PAPLN: variants seen among roughly 807,000 people sequenced by gnomAD.
The protein encoded by PAPLN is papilin, proteoglycan like sulfated glycoprotein, also known as papilin.
A neutral mutation model predicts 159.0 loss-of-function variants in PAPLN; 146 were observed. That is an observed-to-expected ratio of 0.92 (90% CI 0.80 to 1.05). PAPLN has a LOEUF of 1.05. PAPLN is among the 50% of genes least tolerant of loss of function. The probability of loss-of-function intolerance (pLI) is 0.00; values close to 1 mark genes in which losing one functional copy is unlikely to be tolerated. For synonymous variants in PAPLN, 734 were observed against 702.9 expected, an observed-to-expected ratio of 1.04 and a Z score of -0.70; for missense variants, 1,720 against 1,743.9, an observed-to-expected ratio of 0.99 and a Z score of 0.24.
At chr14:73,246,003 G>A (rs1003647) in intron 4 of PAPLN, 70 bp from the exon 5 acceptor site, 4 of 1,406,432 alleles carry the variant, frequency 2.8e-6, no homozygotes, top group Admixed American at 5.2e-5. Flanking sequence ...CCCTGGGCTC[G>A]GGCGGGGCGG....
rs749159837 is a variant in PAPLN, at chr14:73,250,976, G to A, written c.535G>A (p.Gly179Ser). The part of the protein sequence containing the change: ...EDKCLRCGGD[G>S]TTCYPVAGTF... ...CAAGTGTCTGCGGTGTGGGGGTGAC[G>A]GCACGACCTGCTACCCCGTCGCAGG... The change falls in exon 7 of 27, where the codon GGC becomes AGC. Residue 179 changes from glycine (G) to serine (S), a missense_variant. Transcript: ENST00000644200. The A allele has an allele frequency of 6.8e-6, 11 of 1,613,550 alleles. No individual in the cohort carries two copies. Among genetic ancestry groups the A allele is most frequent in the South Asian group, 5.5e-5 (5 of 91,072 alleles).
chr14:73,248,169 C>CTGTG lies in PAPLN; in HGVS notation c.335-1799_335-1796dup, dbSNP rs776221964. Among the ~76,000 whole-genome samples the CTGTG allele has an allele frequency of 6.2e-3, 633 of 101,638 alleles. 20 individuals are homozygous for CTGTG. The highest frequency in any genetic ancestry group is 0.028 in the East Asian group (100 of 3,606). The allele number at this position is 101,638 out of a possible 152,430, so 66.7% of individuals were successfully genotyped here. On this transcript the variant is annotated intron_variant, in intron 5 of 26. Transcript: ENST00000644200. ...TGGCCCAGTGGGAGTCTCATATCCTCTGTGTGTGTGTGTGTGTGTCTGTGT... is the reference window on the plus strand; with the variant it reads ...TGGCCCAGTGGGAGTCTCATATCCTCTGTGTGTGTGTGTGTGTGTGTGTCTGTGT...
intron 12 of PAPLN, 147 bp downstream of exon 12, chr14:73,254,108 AC>A: frequency 1.1e-6 from 1 of 930,204 alleles, no homozygotes; most frequent in Non-Finnish European, 1.6e-6. Context: ...CAAGGCTGGG[AC>A]CAGAAGCAAG....
chr14:73,271,626 C>T (rs1398912280), intron 26 of PAPLN, among the ~76,000 whole-genome samples: 1 of 151,960 alleles, frequency 6.6e-6, no homozygotes, highest in African/African-American at 2.4e-5. Flanking sequence ...CTCAGCTTCC[C>T]GAGTAGCTGG....
intron 6 of PAPLN, among the ~76,000 whole-genome samples, chr14:73,250,700 CATT>C (rs1298719932): frequency 6.6e-6 from 1 of 152,168 alleles, no homozygotes; most frequent in African/African-American, 2.4e-5. Flanking sequence ...GAAAACAGGG[CATT>C]ATTACCAGAA....
At chr14:73,257,308 T>C (rs1354413123) in intron 14 of PAPLN, among the ~76,000 whole-genome samples, 1 of 152,098 alleles carries the variant, frequency 6.6e-6, no homozygotes, top group Non-Finnish European at 1.5e-5. Context: ...TTCCATTATA[T>C]AGTAATATGC....
intron 12 of PAPLN, 105 bp from the exon 13 acceptor site, chr14:73,254,408 G>A (rs771137737): frequency 2.1e-5 from 29 of 1,391,818 alleles, no homozygotes; most frequent in Non-Finnish European, 2.9e-5. Context: ...ATGGGCAGTT[G>A]GGTGCTATCT....
Position 73,246,140 on chromosome 14 carries a change from A to C in PAPLN, c.299A>C (p.Gln100Pro). Residue 100 changes from glutamine to proline, a missense_variant, in exon 5 of 27, where the codon CAG becomes CCG. Physicochemically the swap from Gln to Pro is moderately conservative, Grantham distance 76. Transcript: ENST00000644200. ...GCGGAGTTCGACGGAGCGGAGTTCC[A>C]GGGGCGGCGGTATCGGTGGCTGCCC... ...QCAEFDGAEF[Q>P]GRRYRWLPYY... is the part of the protein sequence containing the mutation. The C allele has an allele frequency of 1.3e-6, 2 of 1,588,568 alleles. No individual in the cohort carries two copies. Among genetic ancestry groups the C allele is most frequent in the Non-Finnish European group, 1.7e-6 (2 of 1,170,544 alleles).
At position 73,263,795 on chromosome 14, in the gene PAPLN, C is replaced by T. The variant is rs376261530; in HGVS notation, c.2861+13C>T. 5.0e-6 allele frequency: 8 copies of T among 1,594,280 alleles called. No homozygotes were observed. Among genetic ancestry groups the T allele is most frequent in the South Asian group, 2.2e-5 (2 of 90,256 alleles). On this transcript the variant is annotated intron_variant, in intron 20 of 26. Transcript: ENST00000644200. ...TCTCCTCTGACAGGTGGGTGAGAGT[C>T]CCCCCACCTCCTCTGACAGGTGTGA...
In PAPLN at chr14:73,255,963, G is replaced by A. The variant is rs190712019; in HGVS notation, c.1627+945G>A. ...AAAGAGCGACTTTCCAGACCGTGGT[G>A]GTCATGCAGCACAACGCCTGACCGC... On this transcript the variant is annotated intron_variant, in intron 14 of 26. Transcript: ENST00000644200. Among the ~76,000 whole-genome samples the A allele has an allele frequency of 7.2e-5, 11 of 152,332 alleles. No individual in the cohort carries two copies. In the East Asian group the frequency reaches 2.1e-3, roughly 29 times the overall value.
At chr14:73,241,704 C>A (rs1264274287) in intron 2 of PAPLN, among the ~76,000 whole-genome samples, 1 of 152,246 alleles carries the variant, frequency 6.6e-6, no homozygotes, top group South Asian at 2.1e-4. Flanking sequence ...GTTGCTGGGG[C>A]AGGAACCACC....
chr14:73,263,116 G>C, intron 19 of PAPLN: 1 of 386,034 alleles, frequency 2.6e-6, no homozygotes. Flanking sequence ...GGCTGGAAAA[G>C]TTTATTGGCT....
rs756096436 is a variant in PAPLN at position 73,246,114 on chromosome 14, C to G, written c.273C>G (p.Cys91Trp). 5.7e-6 allele frequency: 9 copies of G among 1,589,612 alleles called. No individual in the cohort carries two copies. Among genetic ancestry groups the G allele is most frequent in the Admixed American group, 3.5e-5 (2 of 57,460 alleles). The change falls in exon 5 of 27, where the codon TGC becomes TGG. Residue 91 changes from cysteine to tryptophan, a missense_variant. Coordinates refer to ENST00000644200, the MANE Select transcript of PAPLN (RefSeq NM_001365906.3). ...DGARDFRAEQ[C>W]AEFDGAEFQG... ...CCCGGGACTTCCGGGCCGAGCAGTG[C>G]GCGGAGTTCGACGGAGCGGAGTTCC...
At chr14:73,236,951 TAGAA>T (rs375428578), upstream of PAPLN, among the ~76,000 whole-genome samples, 3,290 of 126,790 alleles carry the variant, frequency 0.026, 138 homozygotes, top group African/African-American at 0.092. Flanking sequence ...GGGAGGAAAG[TAGAA>T]AGAAAGAAAA....
In PAPLN at chr14:73,264,710, C is replaced by A; in HGVS notation, c.3109C>A (p.Pro1037Thr). 4 of 1,613,202 alleles carry A rather than the reference C, an allele frequency of 2.5e-6. No homozygotes were observed. Among genetic ancestry groups the A allele is most frequent in the Non-Finnish European group, 2.5e-6 (3 of 1,179,894 alleles). ...CCTGGGGGCCATCCCCTCTTCACAC[C>A]CACAGCCTGCAAACAGGTAAGAACT... ...GPLGAIPSSH[P>T]QPANRLRLDQ... The change falls in exon 22 of 27, where the codon CCA (proline) becomes ACA (threonine). Residue 1037 changes from proline (P) to threonine (T), a missense_variant. By Grantham distance (38) the Pro-to-Thr change is conservative. Transcript: ENST00000644200.
Position 73,253,748 on chromosome 14 carries a change from T to C in PAPLN, c.1095-6T>C. On this transcript the variant is annotated splice_region_variant and splice_polypyrimidine_tract_variant and intron_variant, in intron 11 of 26. Coordinates refer to ENST00000644200, the MANE Select transcript of PAPLN (RefSeq NM_001365906.3). ...GCCAGCCTTACCTGATTCCCCCTCC[T>C]GCCAGCTGGAAGGCAGGGCCATGGG... 6.3e-7 allele frequency: 1 copy of C among 1,588,088 alleles called. No homozygotes were observed. The highest frequency in any genetic ancestry group is 1.7e-5 in the Admixed American group (1 of 58,632).
chr14:73,272,326 C>A (rs1266606944), intron 26 of PAPLN, 169 bp from the exon 27 acceptor site: 1 of 521,952 alleles, frequency 1.9e-6, no homozygotes, highest in Non-Finnish European at 3.2e-6. Flanking sequence ...AATCATCATC[C>A]CTCATAGAGT....
At chr14:73,253,251 C>T (rs747431160) in intron 11 of PAPLN, 39 of 1,356,856 alleles carry the variant, frequency 2.9e-5, no homozygotes, top group Admixed American at 2.7e-4. Flanking sequence ...ACAGGCTCCC[C>T]GCAGGGCTGG....
chr14:73,259,144 T>C (rs1162102900), intron 15 of PAPLN, 85 bp downstream of exon 15: 3 of 1,533,252 alleles, frequency 2.0e-6, no homozygotes, highest in Non-Finnish European at 2.6e-6. Flanking sequence ...GGGGTCACAG[T>C]TGGGTGCAGC....
Sources: allele counts gnomAD v4.1 joint callset (sites outside exome capture counted in the v4.1 genomes callset), GRCh38; gene constraint gnomAD v4.1.1; transcripts MANE v1.5; gene names NCBI Gene and HGNC (gene_info 2026-07-23, HGNC 2026-07-21).